Variants in PTPRD observed in about 807,000 individuals in gnomAD.
The protein encoded by PTPRD is protein tyrosine phosphatase receptor type D.
In PTPRD, 34 loss-of-function variants were observed where a neutral mutation model predicts 214.5. That is an observed-to-expected ratio of 0.16 (90% CI 0.12 to 0.21). The LOEUF is 0.21. Ranked by LOEUF, PTPRD falls within the 10% of genes least tolerant of loss-of-function variation. The pLI, the probability that PTPRD is intolerant of heterozygous loss-of-function variation, is 1.00. For synonymous variants in PTPRD, 1,128 were observed against 845.7 expected (o/e 1.33, Z -5.79); for missense variants, 2,545 against 2,398.7 (o/e 1.06, Z -1.27).
At chr9:8,423,598 A>G (rs2094491492) in intron 35 of PTPRD, among the ~76,000 whole-genome samples, 1 of 152,126 alleles carries the variant, frequency 6.6e-6, no homozygotes, top group Non-Finnish European at 1.5e-5. Context: ...CCCCTTCTTC[A>G]TTGGTCTTAT....
chr9:9,380,791 T>C (rs2062005111), intron 9 of PTPRD, among the ~76,000 whole-genome samples: 1 of 152,172 alleles, frequency 6.6e-6, no homozygotes. Flanking sequence ...AAAATCTCTA[T>C]GATTGTGGAT....
intron 5 of PTPRD, among the ~76,000 whole-genome samples, chr9:9,798,056 C>A (rs948106562): frequency 4.6e-5 from 7 of 151,928 alleles, no homozygotes; most frequent in African/African-American, 1.7e-4. Context: ...CACAGAATAG[C>A]CACCAGGGAG....
At chr9:9,074,673 GTC>G (rs2099748456) in intron 10 of PTPRD, among the ~76,000 whole-genome samples, 2 of 151,882 alleles carry the variant, frequency 1.3e-5, no homozygotes, top group African/African-American at 4.8e-5. Flanking sequence ...TTTGAGAAAT[GTC>G]TATTCAGAGC....
At chr9:10,206,961 C>T (rs1246845184) in intron 3 of PTPRD, among the ~76,000 whole-genome samples, 3 of 152,026 alleles carry the variant, frequency 2.0e-5, no homozygotes, top group Non-Finnish European at 4.4e-5. Context: ...TTATGAACAA[C>T]ATTATAAAAA....
intron 33 of PTPRD, among the ~76,000 whole-genome samples, chr9:8,450,433 T>C (rs762303767): frequency 1.3e-5 from 2 of 151,186 alleles, no homozygotes; most frequent in Non-Finnish European, 3.0e-5. Flanking sequence ...CTCTTTCAAA[T>C]GTGAAGGAAA....
At chr9:9,925,336 T>G (rs767520278) in intron 5 of PTPRD, among the ~76,000 whole-genome samples, 7 of 152,056 alleles carry the variant, frequency 4.6e-5, no homozygotes, top group Non-Finnish European at 8.8e-5. Context: ...AATGTGTATA[T>G]TTAATATAGT....
chr9:8,972,534 G>C (rs538385288), intron 11 of PTPRD, among the ~76,000 whole-genome samples: 1 of 151,926 alleles, frequency 6.6e-6, no homozygotes, highest in African/African-American at 2.4e-5. Context: ...GGAAGGAAAG[G>C]AGATAGGAAG....
chr9:9,891,090 T>C (rs934428545), intron 5 of PTPRD, among the ~76,000 whole-genome samples: 2 of 152,116 alleles, frequency 1.3e-5, no homozygotes, highest in African/African-American at 4.8e-5. Flanking sequence ...CATATGGTCA[T>C]GTCTTGGCAA....
intron 5 of PTPRD, chr9:9,803,855 G>C (rs1042129849): frequency 1.6e-4 from 24 of 151,968 alleles, no homozygotes; most frequent in Non-Finnish European, 1.5e-4. Context: ...TGAAATATCA[G>C]AAAGATCCTG....
chr9:9,949,986 A>G (rs936821640), intron 4 of PTPRD, among the ~76,000 whole-genome samples: 13 of 152,198 alleles, frequency 8.5e-5, no homozygotes, highest in African/African-American at 2.9e-4. Context: ...TGTTTCTGCA[A>G]CCAAGCTATT....
At chr9:8,966,559 C>G (rs966846157) in intron 11 of PTPRD, among the ~76,000 whole-genome samples, 1 of 151,872 alleles carries the variant, frequency 6.6e-6, no homozygotes, top group Admixed American at 6.6e-5. Context: ...CCAGCCATAT[C>G]CAGAAGAATG....
At chr9:10,429,568 G>A (rs553415813) in intron 2 of PTPRD, among the ~76,000 whole-genome samples, 1 of 151,922 alleles carries the variant, frequency 6.6e-6, no homozygotes, top group South Asian at 2.1e-4. Context: ...AGTGAAACAA[G>A]CCAGGCCCAG....
intron 9 of PTPRD, among the ~76,000 whole-genome samples, chr9:9,252,642 G>A (rs911076439): frequency 1.3e-5 from 2 of 151,848 alleles, no homozygotes; most frequent in African/African-American, 2.4e-5. Flanking sequence ...CCACATGTCT[G>A]GCAATTTATT....
chr9:8,511,061 T>C (rs574505961), intron 21 of PTPRD, among the ~76,000 whole-genome samples: 2 of 152,010 alleles, frequency 1.3e-5, no homozygotes, highest in African/African-American at 4.8e-5. Context: ...TTTACCTACA[T>C]TTTATTTATA....
chr9:10,557,795 C>G (rs912132895), intron 2 of PTPRD, among the ~76,000 whole-genome samples: 1 of 152,140 alleles, frequency 6.6e-6, no homozygotes, highest in Non-Finnish European at 1.5e-5. Flanking sequence ...AGAAGGCATA[C>G]AGTTTGCAGA....
chr9:9,929,945 A>G lies in PTPRD; in HGVS notation c.-368+8562T>C, dbSNP rs532269071. ...TGGGTCACAATATAATGAGGACACCAGAGATAATGGACAGTACTCATACTC... is the reference window on the plus strand; with the variant it reads ...TGGGTCACAATATAATGAGGACACCGGAGATAATGGACAGTACTCATACTC... On this transcript the variant is annotated intron_variant, in intron 5 of 45. Coordinates refer to ENST00000381196, the MANE Select transcript of PTPRD (RefSeq NM_002839.4). 9.2e-5 allele frequency among the ~76,000 whole-genome samples: 14 copies of G among 152,338 alleles called. No individual in the cohort carries two copies. The South Asian group carries it at 2.9e-3, about 32-fold the overall frequency.
intron 11 of PTPRD, among the ~76,000 whole-genome samples, chr9:8,962,553 A>AGAGAGC (rs1567262716): frequency 6.6e-6 from 1 of 151,676 alleles, no homozygotes; most frequent in East Asian, 1.9e-4. Context: ...AGAGAGAGAG[A>AGAGAGC]GAGCGAGAGC....
At chr9:8,543,838 G>A (rs879472118) in intron 14 of PTPRD, among the ~76,000 whole-genome samples, 12 of 151,816 alleles carry the variant, frequency 7.9e-5, no homozygotes, top group Non-Finnish European at 1.0e-4. Flanking sequence ...TCAGCCTCCC[G>A]AGTAGCTGGA....
At chr9:10,145,397 A>T (rs2099015383) in intron 3 of PTPRD, among the ~76,000 whole-genome samples, 1 of 152,120 alleles carries the variant, frequency 6.6e-6, no homozygotes, top group Admixed American at 6.6e-5. Context: ...AGCCTAAACA[A>T]TGTGAAGACA....
Sources: gnomAD v4.1 joint callset for allele counts (sites outside exome capture counted in the v4.1 genomes callset) on GRCh38, gnomAD v4.1.1 for gene constraint, MANE v1.5 for transcripts, NCBI Gene and HGNC (gene_info 2026-07-23, HGNC 2026-07-21) for gene names.